LCLAT1: variants seen among roughly 807,000 people sequenced by gnomAD.
LCLAT1 encodes 1-AGP acyltransferase 8.
In LCLAT1, 11 loss-of-function variants were observed where a neutral mutation model predicts 30.7. That is an observed-to-expected ratio of 0.36 (90% confidence interval 0.23 to 0.59). LCLAT1 has a LOEUF of 0.59. LCLAT1 is among the 20% of genes least tolerant of loss of function. LCLAT1 has a pLI of 0.77. For missense variants in LCLAT1, 402 were observed against 458.6 expected (o/e 0.88, Z 1.13); for synonymous variants, 155 against 151.3 (o/e 1.02, Z -0.18).
Position 30,475,341 on chromosome 2 carries a change from T to C in LCLAT1, c.-5+27958T>C, listed in dbSNP as rs150251334. On this transcript the variant is annotated intron_variant, in intron 1 of 5. Transcript: ENST00000379509. ...TAATTTTCTTTTTGGCACTGGGTCT[T>C]TTTTGGATAGCTGGTGGTGACTTGG... Among the ~76,000 whole-genome samples the C allele has an allele frequency of 2.2e-3, 337 of 152,240 alleles. 1 individual carries two copies. Among genetic ancestry groups the C allele is most frequent in the African/African-American group, 6.8e-3 (282 of 41,540 alleles).
At chr2:30,544,056 C>G (rs193099551) in intron 3 of LCLAT1, among the ~76,000 whole-genome samples, 1 of 152,198 alleles carries the variant, frequency 6.6e-6, no homozygotes, top group East Asian at 1.9e-4. Context: ...TCTTTCAGCA[C>G]TGCTATAGTT....
chr2:30,552,515 T>C (rs1477403677), intron 3 of LCLAT1: 1 of 449,158 alleles, frequency 2.2e-6, no homozygotes, highest in Non-Finnish European at 4.5e-6. Flanking sequence ...TGAAACCTAA[T>C]GATACAGGCA....
chr2:30,540,728 A>T (rs566169598), intron 3 of LCLAT1, among the ~76,000 whole-genome samples: 1 of 151,450 alleles, frequency 6.6e-6, no homozygotes, highest in East Asian at 1.9e-4. Flanking sequence ...GCAATGGCAC[A>T]ATCTTGGCTC....
At chr2:30,623,218 TA>T (rs1193503431) in intron 5 of LCLAT1, among the ~76,000 whole-genome samples, 2 of 151,986 alleles carry the variant, frequency 1.3e-5, no homozygotes, top group Non-Finnish European at 2.9e-5. Flanking sequence ...CACGCCCAGC[TA>T]ATTTTTTGTA....
intron 5 of LCLAT1, among the ~76,000 whole-genome samples, chr2:30,617,883 G>T (rs1424725865): frequency 1.3e-5 from 2 of 151,972 alleles, no homozygotes; most frequent in African/African-American, 4.8e-5. Context: ...ATATATCTTA[G>T]ATACAAGTTA....
intron 3 of LCLAT1, among the ~76,000 whole-genome samples, chr2:30,547,709 G>C (rs540912504): frequency 8.0e-6 from 1 of 124,614 alleles, no homozygotes; most frequent in African/African-American, 2.7e-5. Context: ...TCAGACATCA[G>C]GAGGATGGCA....
chr2:30,633,454 C>T (rs927950472), intron 5 of LCLAT1, among the ~76,000 whole-genome samples: 1 of 152,056 alleles, frequency 6.6e-6, no homozygotes, highest in Non-Finnish European at 1.5e-5. Context: ...TTTGGGAGGC[C>T]GAGGCGGGCG....
At chr2:30,496,197 C>T (rs1572526043) in intron 1 of LCLAT1, among the ~76,000 whole-genome samples, 2 of 152,146 alleles carry the variant, frequency 1.3e-5, no homozygotes, top group Admixed American at 1.3e-4. Flanking sequence ...GGAAATCTGC[C>T]TCCATGATCC....
intron 5 of LCLAT1, among the ~76,000 whole-genome samples, chr2:30,575,972 A>G (rs1665978664): frequency 6.6e-6 from 1 of 152,130 alleles, no homozygotes; most frequent in Non-Finnish European, 1.5e-5. Context: ...TCCAGGTTAT[A>G]ATTACTGCGT....
chr2:30,552,970 T>C (rs1290344050), intron 3 of LCLAT1, among the ~76,000 whole-genome samples: 1 of 152,226 alleles, frequency 6.6e-6, no homozygotes, highest in East Asian at 1.9e-4. Flanking sequence ...CAGTTGTCTG[T>C]CTTTCTTCCG....
At chr2:30,632,738 A>G (rs1668828140) in intron 5 of LCLAT1, among the ~76,000 whole-genome samples, 1 of 152,186 alleles carries the variant, frequency 6.6e-6, no homozygotes, top group African/African-American at 2.4e-5. Flanking sequence ...AAACCCTACG[A>G]GGGTAGGGAC....
intron 1 of LCLAT1, among the ~76,000 whole-genome samples, chr2:30,498,291 A>T (rs572686812): frequency 1.3e-5 from 2 of 152,158 alleles, no homozygotes; most frequent in Non-Finnish European, 2.9e-5. Flanking sequence ...AGTGTAAAGA[A>T]TTGGAGGCAG....
In LCLAT1 at chr2:30,516,091, T is replaced by A. The variant is rs970436509; in HGVS notation, c.-4-9496T>A. ...ACCAATCAGGTAACAGAGAGCTCAC[T>A]AAAATACCCGTTAAGCTAAAAGCAG... On this transcript the variant is annotated intron_variant, in intron 1 of 5. Transcript: ENST00000379509. Among the ~76,000 whole-genome samples the A allele has an allele frequency of 4.6e-5, 7 of 152,250 alleles. 1 individual carries two copies. In the South Asian group the frequency reaches 1.0e-3, roughly 23 times the overall value.
chr2:30,479,645 T>C (rs1683229429), intron 1 of LCLAT1, among the ~76,000 whole-genome samples: 1 of 152,114 alleles, frequency 6.6e-6, no homozygotes. Context: ...AGTTAATTAT[T>C]GGGAAGGGAC....
At chr2:30,567,185 A>T (rs897358156) in intron 4 of LCLAT1, among the ~76,000 whole-genome samples, 4 of 152,290 alleles carry the variant, frequency 2.6e-5, no homozygotes, top group Non-Finnish European at 4.4e-5. Flanking sequence ...ATTGTTTTAT[A>T]AAAAAATTTA....
chr2:30,470,180 C>G (rs1682704297), intron 1 of LCLAT1, among the ~76,000 whole-genome samples: 2 of 152,212 alleles, frequency 1.3e-5, no homozygotes, highest in South Asian at 2.1e-4. Flanking sequence ...GTTGGTCCAC[C>G]AGAACACGAG....
intron 3 of LCLAT1, among the ~76,000 whole-genome samples, chr2:30,539,866 A>G (rs536744377): frequency 5.3e-5 from 8 of 152,370 alleles, no homozygotes; most frequent in African/African-American, 1.9e-4. Context: ...ATCCTTTTAA[A>G]GAAAATGGAG....
intron 1 of LCLAT1, among the ~76,000 whole-genome samples, chr2:30,517,101 C>T (rs1000828607): frequency 1.4e-4 from 22 of 152,220 alleles, no homozygotes; most frequent in Admixed American, 3.9e-4. Flanking sequence ...ACCCATACCT[C>T]CTGGGTCCCA....
chr2:30,543,015 T>C lies in LCLAT1; in HGVS notation c.364+9701T>C, dbSNP rs183855795. Among the ~76,000 whole-genome samples the C allele has an allele frequency of 2.2e-4, 33 of 150,408 alleles. No homozygotes were observed. The East Asian group carries it at 5.3e-3, about 24-fold the overall frequency. On this transcript the variant is annotated intron_variant, in intron 3 of 5. Coordinates refer to ENST00000379509, the MANE Select transcript of LCLAT1 (RefSeq NM_001002257.3). ...CTTTTAGTATAATGTTAAGTAGAAG[T>C]GTTGAGGGCAGACATCCTTGCCGTG... is the stretch of plus-strand genomic sequence containing the variant.
Sources: allele counts gnomAD v4.1 joint callset (sites outside exome capture counted in the v4.1 genomes callset), GRCh38; gene constraint gnomAD v4.1.1; transcripts MANE v1.5; gene names NCBI Gene and HGNC (gene_info 2026-07-23, HGNC 2026-07-21).